Variants in TMEM143 observed in about 807,000 individuals in gnomAD.
TMEM143 encodes transmembrane protein 143.
In TMEM143, 45 loss-of-function variants were observed where a neutral mutation model predicts 40.3. The ratio of observed to expected loss-of-function variants is 1.12; its 90% CI spans 0.88 to 1.43. The LOEUF (loss-of-function observed/expected upper bound fraction) is 1.43, where lower values mean the gene tolerates loss of function less well. Ranked by LOEUF, TMEM143 falls within the 40% of genes most tolerant of loss-of-function variation. The pLI is 0.00. For missense variants in TMEM143, 620 were observed against 613.4 expected, an observed-to-expected ratio of 1.01 and a Z score of -0.11; for synonymous variants, 299 against 282.7, an observed-to-expected ratio of 1.06 and a Z score of -0.58.
chr19:48,334,500 CTTTCTTTCT>C (rs200877992), intron 6 of TMEM143, among the ~76,000 whole-genome samples: 2,855 of 104,990 alleles, frequency 0.027, 30 homozygotes, highest in Non-Finnish European at 0.032. Flanking sequence ...TTCTTTCGTT[CTTTCTTTCT>C]TTTCTTTCTT....
At position 48,358,373 on chromosome 19, in the gene TMEM143, G is replaced by T. The variant is rs368409794; in HGVS notation, c.369+1699C>A. On this transcript the variant is annotated intron_variant, in intron 3 of 7. Coordinates refer to ENST00000293261, the MANE Select transcript of TMEM143 (RefSeq NM_018273.4). ...CACTCTAGCCTGGGCAGCAGAGTGA[G>T]ACTCTGTCTCAGAAAAAAAAAAAAA... Among the ~76,000 whole-genome samples, 4 of 150,086 alleles carry T rather than the reference G, an allele frequency of 2.7e-5. No homozygotes were observed. The East Asian group carries it at 7.8e-4, about 29-fold the overall frequency.
intron 3 of TMEM143, among the ~76,000 whole-genome samples, chr19:48,352,708 G>A (rs1969804331): frequency 6.6e-6 from 1 of 152,022 alleles, no homozygotes; most frequent in Admixed American, 6.6e-5. Context: ...CCAAGAGGCA[G>A]AGGTTGCAGT....
At chr19:48,351,367 TGGTCTCA>T (rs1969770461) in intron 3 of TMEM143, among the ~76,000 whole-genome samples, 1 of 152,168 alleles carries the variant, frequency 6.6e-6, no homozygotes, top group African/African-American at 2.4e-5. Context: ...TCTCAACCCT[TGGTCTCA>T]GCCACCCTCC....
chr19:48,339,965 G>A (rs1462321107), intron 6 of TMEM143, among the ~76,000 whole-genome samples: 7 of 151,856 alleles, frequency 4.6e-5, no homozygotes, highest in African/African-American at 1.7e-4. Flanking sequence ...CTGACTGCAT[G>A]TGATCTGCCT....
At chr19:48,348,311 T>C (rs1969691215) in intron 3 of TMEM143, among the ~76,000 whole-genome samples, 1 of 152,140 alleles carries the variant, frequency 6.6e-6, no homozygotes, top group Non-Finnish European at 1.5e-5. Context: ...TGATCCCTGT[T>C]GCTCCCTTCC....
chr19:48,346,269 T>A (rs1397628529), intron 3 of TMEM143, among the ~76,000 whole-genome samples: 1 of 151,740 alleles, frequency 6.6e-6, no homozygotes, highest in African/African-American at 2.4e-5. Context: ...TTTTTATATT[T>A]TTAGTGGAGA....
chr19:48,349,734 C>T (rs1339433114), intron 3 of TMEM143, among the ~76,000 whole-genome samples: 1 of 151,736 alleles, frequency 6.6e-6, no homozygotes, highest in Non-Finnish European at 1.5e-5. Context: ...AGGATGTACA[C>T]TGCACAAAGA....
At chr19:48,343,017 C>A in intron 5 of TMEM143, 1 of 701,724 alleles carries the variant, frequency 1.4e-6, no homozygotes. Flanking sequence ...ATTGGACGTG[C>A]AGATTGTTTG....
intron 2 of TMEM143, 76 bp from the exon 3 acceptor site, chr19:48,360,252 C>G: frequency 7.2e-7 from 1 of 1,395,416 alleles, no homozygotes; most frequent in East Asian, 2.3e-5. Flanking sequence ...TCCCTGGCTG[C>G]CTAACTACAC....
chr19:48,363,726 G>A, intron 1 of TMEM143, 172 bp downstream of exon 1: 4 of 1,373,900 alleles, frequency 2.9e-6, no homozygotes, highest in Non-Finnish European at 4.0e-6. Context: ...GGGGTCAGAG[G>A]TCTTAGGTTC....
Position 48,342,743 on chromosome 19 carries a change from G to A in TMEM143, c.762C>T (p.Phe254=). The A allele has an allele frequency of 6.2e-7, 1 of 1,614,060 alleles. No individual in the cohort carries two copies. The highest frequency in any genetic ancestry group is 8.5e-7 in the Non-Finnish European group (1 of 1,179,958). Residue 254 remains phenylalanine (F), a synonymous_variant, in exon 6 of 8, where the codon TTC becomes TTT. Transcript: ENST00000293261. ...TKRGHLVLKS[F]KDTPLEGLEQ... is the part of the protein sequence containing the mutation. ...CCAGGCCTTCCAGCGGCGTGTCCTT[G>A]AAACTCTTCAGTACCAGGTGTCCCC...
chr19:48,342,501 C>A (rs751111250), intron 6 of TMEM143, 29 bp downstream of exon 6: 1 of 1,576,354 alleles, frequency 6.3e-7, no homozygotes, highest in Non-Finnish European at 8.6e-7. Flanking sequence ...AGCGCAGGGC[C>A]GCAGGAGGCG....
At chr19:48,347,530 C>T (rs1429437078) in intron 3 of TMEM143, among the ~76,000 whole-genome samples, 3 of 150,418 alleles carry the variant, frequency 2.0e-5, no homozygotes, top group Non-Finnish European at 1.5e-5. Flanking sequence ...CTTGGCAACA[C>T]GGTGAAATCC....
intron 3 of TMEM143, among the ~76,000 whole-genome samples, chr19:48,355,246 G>GTC (rs1969862014): frequency 6.6e-6 from 1 of 151,990 alleles, no homozygotes; most frequent in Admixed American, 6.6e-5. Flanking sequence ...TGCCAGACTG[G>GTC]TCTCGAACTC....
At chr19:48,341,154 A>G (rs1315879190) in intron 6 of TMEM143, among the ~76,000 whole-genome samples, 1 of 152,118 alleles carries the variant, frequency 6.6e-6, no homozygotes, top group Non-Finnish European at 1.5e-5. Context: ...GCTTCACACC[A>G]GTCTACACTC....
At chr19:48,342,468 A>AG (rs909342383) in intron 6 of TMEM143, 62 bp downstream of exon 6, 1 of 1,514,020 alleles carries the variant, frequency 6.6e-7, no homozygotes, top group African/African-American at 1.4e-5. Context: ...AGACAACTAC[A>AG]GGGGGCCTGA....
intron 3 of TMEM143, among the ~76,000 whole-genome samples, chr19:48,357,356 T>TTTTC (rs1969928327): frequency 8.5e-6 from 1 of 117,210 alleles, no homozygotes. Flanking sequence ...TTTCTTTTTT[T>TTTTC]TTTTTTTTTT....
Position 48,333,391 on chromosome 19 carries a change from A to T in TMEM143, c.1208T>A (p.Leu403Gln), listed in dbSNP as rs766741543. Reference sequence around the variant, plus strand: ...GGTCACCTCACAGCCTGACTTGGCTAGGAGCCAGTTCTCCACCTCCGACCG... The same window carrying T: ...GGTCACCTCACAGCCTGACTTGGCTTGGAGCCAGTTCTCCACCTCCGACCG... ...WLRSEVENWL[L>Q]AKSGCEVTFN... is the part of the protein sequence containing the mutation. The change falls in exon 8 of 8, where the codon CTA (leucine) becomes CAA (glutamine). Residue 403 changes from leucine (L) to glutamine (Q), a missense_variant. Leu to Gln is a moderately radical substitution (Grantham distance 113). Coordinates refer to ENST00000293261, the MANE Select transcript of TMEM143 (RefSeq NM_018273.4). The surrounding 1 kb of genome is among the most constrained non-coding windows in gnomAD (Gnocchi z 4.1). 1 of 1,607,590 alleles carries T rather than the reference A, an allele frequency of 6.2e-7. No homozygotes were observed. Among genetic ancestry groups the T allele is most frequent in the Admixed American group, 1.7e-5 (1 of 59,620 alleles).
At chr19:48,359,997 A>C in intron 3 of TMEM143, 75 bp downstream of exon 3, 1 of 1,434,846 alleles carries the variant, frequency 7.0e-7, no homozygotes, top group Non-Finnish European at 9.7e-7. Flanking sequence ...GGCTCCAAGA[A>C]GGTGTCAGGG....
Sources: gnomAD v4.1 joint callset for allele counts (sites outside exome capture counted in the v4.1 genomes callset) on GRCh38, gnomAD v4.1.1 for gene constraint, Gnocchi (gnomAD v3.1) non-coding constraint, MANE v1.5 for transcripts, NCBI Gene and HGNC (gene_info 2026-07-23, HGNC 2026-07-21) for gene names.